Variants in SMYD3 observed in about 807,000 individuals in gnomAD.
SMYD3 encodes the protein histone-lysine N-methyltransferase SMYD3.
In SMYD3, 36 loss-of-function variants were observed where a neutral mutation model predicts 57.7. The ratio of observed to expected loss-of-function variants is 0.62; its 90% CI spans 0.48 to 0.82. The LOEUF is 0.82. SMYD3 is among the 40% of genes least tolerant of loss of function. The pLI, the probability that SMYD3 is intolerant of heterozygous loss-of-function variation, is 0.00. For synonymous variants in SMYD3, 211 were observed against 195.0 expected (o/e 1.08, Z -0.68); for missense variants, 515 against 538.8 (o/e 0.96, Z 0.44).
At chr1:246,173,903 C>G (rs2062387952) in intron 5 of SMYD3, among the ~76,000 whole-genome samples, 1 of 152,068 alleles carries the variant, frequency 6.6e-6, no homozygotes, top group Non-Finnish European at 1.5e-5. Context: ...AACTCCTGGG[C>G]TCAAGCTATC....
intron 5 of SMYD3, among the ~76,000 whole-genome samples, chr1:246,176,420 C>T (rs2062435089): frequency 6.6e-6 from 1 of 152,160 alleles, no homozygotes; most frequent in Non-Finnish European, 1.5e-5. Flanking sequence ...GATACCGTAA[C>T]AAAAAAGTAA....
intron 5 of SMYD3, among the ~76,000 whole-genome samples, chr1:246,287,960 T>C (rs960915365): frequency 2.6e-5 from 4 of 151,670 alleles, no homozygotes; most frequent in African/African-American, 9.7e-5. Flanking sequence ...AGGAAGGCCT[T>C]GGAACGTTAC....
intron 5 of SMYD3, among the ~76,000 whole-genome samples, chr1:245,993,542 C>G (rs12069281): frequency 6.6e-6 from 1 of 150,712 alleles, no homozygotes; most frequent in Non-Finnish European, 1.5e-5. Flanking sequence ...CAAGACCAGG[C>G]TAGGCAACAT....
At chr1:246,139,064 T>C (rs1426210065) in intron 5 of SMYD3, among the ~76,000 whole-genome samples, 1 of 152,168 alleles carries the variant, frequency 6.6e-6, no homozygotes, top group Non-Finnish European at 1.5e-5. Context: ...AATAATTCAT[T>C]AGCAGCAAAA....
chr1:246,307,811 G>C (rs766908816), intron 5 of SMYD3, among the ~76,000 whole-genome samples: 9 of 152,176 alleles, frequency 5.9e-5, no homozygotes, highest in Non-Finnish European at 1.0e-4. Context: ...GGCATAAATT[G>C]CAGGGGAAAC....
intron 1 of SMYD3, among the ~76,000 whole-genome samples, chr1:246,466,209 A>G (rs2067878268): frequency 6.6e-6 from 1 of 152,246 alleles, no homozygotes; most frequent in African/African-American, 2.4e-5. Flanking sequence ...GAGAATATAA[A>G]TCATTCTAAC....
At chr1:245,917,895 A>T (rs971979637) in intron 7 of SMYD3, among the ~76,000 whole-genome samples, 3 of 152,196 alleles carry the variant, frequency 2.0e-5, no homozygotes, top group African/African-American at 7.2e-5. Flanking sequence ...GGTTTTTGTT[A>T]TACTTAAAAG....
rs548918046 is a variant in SMYD3 at position 245,943,729 on chromosome 1, C to T, written c.532-13792G>A. ...CCTGATGAACATCAGTGTGAAAATC[C>T]TCAATAAAATACTGGCAAACCAAAT... On this transcript the variant is annotated intron_variant, in intron 5 of 11. Coordinates refer to ENST00000490107, the MANE Select transcript of SMYD3 (RefSeq NM_001167740.2). 3.3e-5 allele frequency among the ~76,000 whole-genome samples: 5 copies of T among 152,268 alleles called. No homozygotes were observed. The East Asian group carries it at 9.6e-4, about 29-fold the overall frequency.
At chr1:245,958,650 T>C (rs752144003) in intron 5 of SMYD3, among the ~76,000 whole-genome samples, 1 of 152,198 alleles carries the variant, frequency 6.6e-6, no homozygotes. Context: ...TCATTGCTGA[T>C]TTACTTGTCT....
At chr1:246,402,784 G>A (rs534935997) in intron 1 of SMYD3, among the ~76,000 whole-genome samples, 4 of 152,138 alleles carry the variant, frequency 2.6e-5, no homozygotes, top group East Asian at 1.9e-4. Flanking sequence ...CACCTGCAAC[G>A]AGCAATGCCA....
intron 5 of SMYD3, among the ~76,000 whole-genome samples, chr1:246,307,593 G>A (rs1284095822): frequency 2.0e-5 from 3 of 151,676 alleles, no homozygotes; most frequent in Non-Finnish European, 4.4e-5. Flanking sequence ...CTAATTTTTT[G>A]TATTTTTAGT....
rs114732360 is a variant in SMYD3 at position 246,342,735 on chromosome 1, A to C, written c.229-7261T>G. On this transcript the variant is annotated intron_variant, in intron 2 of 11. Transcript: ENST00000490107. ...AAATATAAAGAAGGAATGTGCCATG[A>C]AAATGGTCTTAGGGCATAAGGTTGA... is the stretch of plus-strand genomic sequence containing the variant. Among the ~76,000 whole-genome samples the C allele has an allele frequency of 8.5e-3, 1,293 of 152,332 alleles. 14 individuals are homozygous for C. Among genetic ancestry groups the C allele is most frequent in the African/African-American group, 0.03 (1,232 of 41,582 alleles).
intron 5 of SMYD3, among the ~76,000 whole-genome samples, chr1:246,106,626 T>C (rs146535303): frequency 5.6e-4 from 86 of 152,274 alleles, no homozygotes; most frequent in African/African-American, 1.9e-3. Context: ...CACTTAGGAT[T>C]TCCGTGGTTA....
At chr1:245,931,365 C>T (rs547575325) in intron 5 of SMYD3, among the ~76,000 whole-genome samples, 4 of 152,228 alleles carry the variant, frequency 2.6e-5, no homozygotes, top group South Asian at 2.1e-4. Flanking sequence ...TACTGCGGGA[C>T]GGCTTGTGGG....
intron 1 of SMYD3, among the ~76,000 whole-genome samples, chr1:246,466,342 C>T (rs76534021): frequency 0.033 from 4,967 of 152,196 alleles, 227 homozygotes; most frequent in African/African-American, 0.1. Flanking sequence ...ACTATGCATG[C>T]GGCCATAAAA....
At chr1:246,344,733 C>A (rs1473146199) in intron 2 of SMYD3, among the ~76,000 whole-genome samples, 1 of 152,222 alleles carries the variant, frequency 6.6e-6, no homozygotes, top group African/African-American at 2.4e-5. Flanking sequence ...CTTGCCAGCA[C>A]TTGACAAAGT....
At chr1:245,967,016 C>G (rs971276154) in intron 5 of SMYD3, among the ~76,000 whole-genome samples, 1 of 152,162 alleles carries the variant, frequency 6.6e-6, no homozygotes, top group African/African-American at 2.4e-5. Context: ...CATCAGAACT[C>G]CAACTGCTTT....
chr1:245,983,826 CAAG>C (rs760969012), intron 5 of SMYD3, among the ~76,000 whole-genome samples: 30 of 152,108 alleles, frequency 2.0e-4, no homozygotes, highest in Admixed American at 2.0e-4. Context: ...GAATCAGTAG[CAAG>C]AAGAACAGTC....
intron 10 of SMYD3, among the ~76,000 whole-genome samples, chr1:245,849,465 T>TA (rs1457738487): frequency 6.6e-6 from 1 of 152,084 alleles, no homozygotes; most frequent in African/African-American, 2.4e-5. Flanking sequence ...ATGAGTTATG[T>TA]GTATGGACCA....
Sources: gnomAD v4.1 joint callset for allele counts (sites outside exome capture counted in the v4.1 genomes callset) on GRCh38, gnomAD v4.1.1 for gene constraint, MANE v1.5 for transcripts, NCBI Gene and HGNC (gene_info 2026-07-23, HGNC 2026-07-21) for gene names.